Variants in GALNT14 observed in about 807,000 individuals in gnomAD.
The protein encoded by GALNT14 is UDP-GalNAc:polypeptide N-acetylgalactosaminyltransferase 14.
Under a neutral mutation model 77.5 loss-of-function variants are expected in GALNT14, and 60 were observed. The observed-to-expected ratio is 0.77, with a 90% CI of 0.63 to 0.96. The LOEUF is 0.96. GALNT14 is among the 40% of genes least tolerant of loss of function. GALNT14 has a pLI of 0.00. For missense variants in GALNT14, 710 were observed against 731.0 expected (o/e 0.97, Z 0.33); for synonymous variants, 280 against 281.7 (o/e 0.99, Z 0.06).
At chr2:31,008,799 G>C (rs1358562484) in intron 1 of GALNT14, among the ~76,000 whole-genome samples, 4 of 152,194 alleles carry the variant, frequency 2.6e-5, no homozygotes, top group African/African-American at 9.7e-5. Flanking sequence ...ATAATTGTGT[G>C]ATTACAGTGC....
intron 1 of GALNT14, among the ~76,000 whole-genome samples, chr2:31,049,939 G>A (rs6738843): frequency 0.75 from 113,500 of 152,080 alleles, 42,627 homozygotes; most frequent in East Asian, 1. Context: ...GGCAAAGTAT[G>A]GAAAAGTATG....
chr2:30,958,118 A>C lies in GALNT14; in HGVS notation c.466+279T>G, dbSNP rs540454050. Among the ~76,000 whole-genome samples, 26 of 152,282 alleles carry C rather than the reference A, an allele frequency of 1.7e-4. No homozygotes were observed. The South Asian group carries it at 5.4e-3, about 32-fold the overall frequency. ...GACAGGATGTCCCACGGGGTTGGGG[A>C]GGTCCCAAAGACAGGGCCCACCTAG... is the stretch of plus-strand genomic sequence containing the variant. On this transcript the variant is annotated intron_variant, in intron 4 of 14. Transcript: ENST00000349752.
chr2:31,096,943 C>T (rs75096346), intron 1 of GALNT14, among the ~76,000 whole-genome samples: 8,302 of 152,184 alleles, frequency 0.055, 225 homozygotes, highest in South Asian at 0.086. Flanking sequence ...CCTCTAATCG[C>T]GTCCCATTAA....
At chr2:31,042,037 C>G (rs1313968828) in intron 1 of GALNT14, among the ~76,000 whole-genome samples, 2 of 152,168 alleles carry the variant, frequency 1.3e-5, no homozygotes, top group Non-Finnish European at 1.5e-5. Context: ...GTGGACCACT[C>G]TGATGAGATG....
the GALNT14 span, among the ~76,000 whole-genome samples, chr2:30,890,372 T>C: frequency 6.6e-6 from 1 of 152,308 alleles, no homozygotes; most frequent in East Asian, 1.9e-4. Flanking sequence ...CTTAGTACTC[T>C]TGAGGTCTTG....
In GALNT14 at chr2:30,924,165, T is replaced by C. The variant is rs2148230698; in HGVS notation, c.1334A>G (p.Lys445Arg). ...RQNNQETPNL[K>R]LSPCAKVKGE... ...TTTGACCTTGGCACAGGGGCTCAACTTTAGGTTTGGGGTTTCTTGGTTGTT... is the reference window on the plus strand; with the variant it reads ...TTTGACCTTGGCACAGGGGCTCAACCTTAGGTTTGGGGTTTCTTGGTTGTT... The change falls in exon 13 of 15, where the codon AAG becomes AGG. Residue 445 changes from lysine to arginine, a missense_variant. Physicochemically the swap from Lys to Arg is conservative, Grantham distance 26. Coordinates refer to ENST00000349752, the MANE Select transcript of GALNT14 (RefSeq NM_024572.4). 1 of 1,614,190 alleles carries C rather than the reference T, an allele frequency of 6.2e-7. No homozygotes were observed. The highest frequency in any genetic ancestry group is 1.3e-5 in the African/African-American group (1 of 75,040).
At chr2:30,951,182 T>C (rs1475417723) in intron 6 of GALNT14, among the ~76,000 whole-genome samples, 3 of 152,212 alleles carry the variant, frequency 2.0e-5, no homozygotes, top group Non-Finnish European at 2.9e-5. Flanking sequence ...AATGGTTGGA[T>C]GGATAAACAA....
intron 3 of GALNT14, among the ~76,000 whole-genome samples, chr2:30,962,575 C>G (rs1444564342): frequency 6.6e-6 from 1 of 152,164 alleles, no homozygotes; most frequent in Non-Finnish European, 1.5e-5. Flanking sequence ...CTCTTCAGGG[C>G]TTGTTTTCTC....
intron 13 of GALNT14, among the ~76,000 whole-genome samples, chr2:30,919,885 CCATAA>C (rs1371840614): frequency 2.0e-5 from 3 of 152,096 alleles, no homozygotes; most frequent in East Asian, 1.9e-4. Context: ...GTCCCAATGC[CCATAA>C]CATAAGGGAG....
chr2:30,945,922 G>C (rs1206880407), intron 6 of GALNT14, 52 bp from the exon 7 acceptor site: 4 of 1,521,704 alleles, frequency 2.6e-6, no homozygotes, highest in African/African-American at 1.4e-5. Flanking sequence ...CCAGCTGGGA[G>C]TCAGGGAGCT....
chr2:31,057,025 G>A (rs972377201), intron 1 of GALNT14, among the ~76,000 whole-genome samples: 3 of 151,988 alleles, frequency 2.0e-5, no homozygotes, highest in African/African-American at 4.8e-5. Flanking sequence ...GAATTAACAC[G>A]GGAACAGAAA....
rs190410743 is a variant in GALNT14, at chr2:30,947,456, G to A, written c.655-1586C>T. 4.4e-4 allele frequency among the ~76,000 whole-genome samples: 67 copies of A among 152,228 alleles called. No individual in the cohort carries two copies. In the East Asian group the frequency reaches 8.9e-3, roughly 20 times the overall value. ...AAGTCACCAGCTTCTTGGAGCCATCGAGCCACTGTACATATATTTTTCAAA... is the reference window on the plus strand; with the variant it reads ...AAGTCACCAGCTTCTTGGAGCCATCAAGCCACTGTACATATATTTTTCAAA... On this transcript the variant is annotated intron_variant, in intron 6 of 14. Transcript: ENST00000349752.
intron 1 of GALNT14, chr2:31,065,110 C>G (rs1318633118): frequency 2.0e-5 from 3 of 151,800 alleles, no homozygotes; most frequent in Non-Finnish European, 2.9e-5. Flanking sequence ...GACCTCCCAG[C>G]TCTGTTCACC....
intron 1 of GALNT14, among the ~76,000 whole-genome samples, chr2:31,084,964 G>A (rs1676348511): frequency 6.6e-6 from 1 of 152,048 alleles, no homozygotes; most frequent in Admixed American, 6.6e-5. Flanking sequence ...GGCAGAGGCT[G>A]CAGTGAGTGC....
At chr2:31,046,534 C>T (rs1673475332) in intron 1 of GALNT14, among the ~76,000 whole-genome samples, 1 of 152,104 alleles carries the variant, frequency 6.6e-6, no homozygotes, top group Non-Finnish European at 1.5e-5. Flanking sequence ...GGCCTGGAAC[C>T]CATATTCTTA....
At chr2:30,902,024 C>T in the GALNT14 span, among the ~76,000 whole-genome samples, 18 of 152,162 alleles carry the variant, frequency 1.2e-4, no homozygotes, top group African/African-American at 4.3e-4. Flanking sequence ...AGGTTACTAC[C>T]TTTTGGCATT....
chr2:31,058,443 T>C (rs1474732638), intron 1 of GALNT14, among the ~76,000 whole-genome samples: 1 of 152,016 alleles, frequency 6.6e-6, no homozygotes, highest in Non-Finnish European at 1.5e-5. Flanking sequence ...AGTTTATTCT[T>C]AGTAAACACA....
At chr2:30,967,420 G>C (rs932595478) in intron 2 of GALNT14, among the ~76,000 whole-genome samples, 2 of 152,064 alleles carry the variant, frequency 1.3e-5, no homozygotes, top group Non-Finnish European at 2.9e-5. Flanking sequence ...TTTTTCTATA[G>C]GGGCATAGGC....
chr2:31,022,464 A>T (rs913579297), intron 1 of GALNT14, among the ~76,000 whole-genome samples: 2 of 152,184 alleles, frequency 1.3e-5, no homozygotes, highest in African/African-American at 4.8e-5. Flanking sequence ...TTCTGGAATA[A>T]GGCCTTTTTT....
Sources: allele counts gnomAD v4.1 joint callset (sites outside exome capture counted in the v4.1 genomes callset), GRCh38; gene constraint gnomAD v4.1.1; transcripts MANE v1.5; gene names NCBI Gene and HGNC (gene_info 2026-07-23, HGNC 2026-07-21).